The following GARRE1 variants were observed in gnomAD, a reference collection of about 807,000 sequenced individuals.
The protein encoded by GARRE1 is granule associated Rac and RHOG effector protein 1.
A neutral mutation model predicts 103.2 loss-of-function variants in GARRE1; 49 were observed. That is an observed-to-expected ratio of 0.47 (90% CI 0.38 to 0.60). GARRE1 has a LOEUF of 0.60. Ranked by LOEUF, GARRE1 falls within the 20% of genes least tolerant of loss-of-function variation. GARRE1 has a pLI of 0.00. For missense variants in GARRE1, 1,199 were observed against 1,370.5 expected (o/e 0.87, Z 1.98); for synonymous variants, 505 against 532.8 (o/e 0.95, Z 0.72).
intron 1 of GARRE1, among the ~76,000 whole-genome samples, chr19:34,277,698 T>C (rs2073825078): frequency 6.6e-6 from 1 of 152,140 alleles, no homozygotes. Flanking sequence ...CATAAACTTC[T>C]CCATCAAGTT....
chr19:34,290,246 C>T (rs2145230482), intron 1 of GARRE1, among the ~76,000 whole-genome samples: 1 of 152,102 alleles, frequency 6.6e-6, no homozygotes, highest in East Asian at 1.9e-4. Context: ...GCCCCAGCTA[C>T]TCAGGAGGCT....
In GARRE1 at chr19:34,325,129, T is replaced by G. The variant is rs1442780113; in HGVS notation, c.706-2292T>G. Reference sequence around the variant, plus strand: ...GCTTGTGACATCCAAGAACCAACCTTTCTTTCCTCTTGGGTCATCCTTTCT... The same window carrying G: ...GCTTGTGACATCCAAGAACCAACCTGTCTTTCCTCTTGGGTCATCCTTTCT... On this transcript the variant is annotated intron_variant, in intron 3 of 13. Coordinates refer to ENST00000299505, the MANE Select transcript of GARRE1 (RefSeq NM_014686.5). Among the ~76,000 whole-genome samples the G allele has an allele frequency of 2.6e-5, 4 of 152,146 alleles. No individual in the cohort carries two copies. The East Asian group carries it at 7.7e-4, about 29-fold the overall frequency.
At chr19:34,296,233 G>T in intron 1 of GARRE1, 5 of 606,562 alleles carry the variant, frequency 8.2e-6, no homozygotes, top group Non-Finnish European at 1.5e-5. Flanking sequence ...GCCCGAGGGG[G>T]TCGCAGCAGT....
At chr19:34,296,592 T>C (rs2073949026) in intron 1 of GARRE1, 3 of 1,552,504 alleles carry the variant, frequency 1.9e-6, no homozygotes, top group Non-Finnish European at 1.8e-6. Flanking sequence ...GAGGCCCTTC[T>C]TGTGCTTCTT....
At chr19:34,283,722 G>A (rs955748494) in intron 1 of GARRE1, among the ~76,000 whole-genome samples, 11 of 152,016 alleles carry the variant, frequency 7.2e-5, no homozygotes, top group Admixed American at 7.2e-4. Flanking sequence ...AAAGGGAAGT[G>A]CTTCAAGAGA....
intron 1 of GARRE1, among the ~76,000 whole-genome samples, chr19:34,281,451 TG>T (rs2073852983): frequency 1.3e-5 from 2 of 152,166 alleles, no homozygotes; most frequent in Non-Finnish European, 2.9e-5. Context: ...CCACTATGCC[TG>T]GCTAATTTTT....
intron 1 of GARRE1, among the ~76,000 whole-genome samples, chr19:34,286,344 C>T (rs1326263108): frequency 1.3e-5 from 2 of 151,832 alleles, no homozygotes; most frequent in African/African-American, 2.4e-5. Context: ...CTCAGTCTCC[C>T]GAGTAGCTGG....
At chr19:34,348,575 CT>C (rs1486834999) in intron 11 of GARRE1, 2 of 153,266 alleles carry the variant, frequency 1.3e-5, no homozygotes, top group Non-Finnish European at 2.9e-5. Context: ...TTTGTTTTTT[CT>C]TATTTTTAAA....
chr19:34,301,513 CAAAAAAAA>C (rs57777660), intron 2 of GARRE1, among the ~76,000 whole-genome samples: 146 of 85,384 alleles, frequency 1.7e-3, no homozygotes, highest in Middle Eastern at 5.9e-3. Context: ...GACCATGTCT[CAAAAAAAA>C]AAAAAAAAAA....
intron 2 of GARRE1, among the ~76,000 whole-genome samples, chr19:34,313,646 A>G (rs2074046955): frequency 1.3e-5 from 2 of 152,172 alleles, no homozygotes; most frequent in Non-Finnish European, 2.9e-5. Context: ...AGTATTCTTG[A>G]TGGAAGTGAC....
chr19:34,301,982 C>CTTT lies in GARRE1; in HGVS notation c.495+1039_495+1041dup, dbSNP rs35417822. 4.3e-3 allele frequency among the ~76,000 whole-genome samples: 214 copies of CTTT among 50,066 alleles called. 43 individuals carry two copies. Among genetic ancestry groups the CTTT allele is most frequent in the South Asian group, 8.6e-3 (9 of 1,044 alleles). The allele number at this position is 50,066 out of a possible 152,430, so 32.8% of individuals were successfully genotyped here. On this transcript the variant is annotated intron_variant, in intron 2 of 13. Transcript: ENST00000299505. ...ACAGGTGTGAGCCACTGCGCCCAGC[C>CTTT]TTTTTTTTTTTTTTTTTTTTTTTTT...
At chr19:34,283,853 A>G (rs1436937690) in intron 1 of GARRE1, among the ~76,000 whole-genome samples, 5 of 124,948 alleles carry the variant, frequency 4.0e-5, no homozygotes, top group Non-Finnish European at 6.4e-5. Flanking sequence ...TTTTTTTGAG[A>G]CGGAGTCTCA....
rs556326641 is a variant in GARRE1 at position 34,354,708 on chromosome 19, G to A, written c.*1753G>A. ...AAAAAAAGAATATATATATATGTAT[G>A]TATGTATGTATGTAAACACACACAC... On this transcript the variant is annotated 3_prime_UTR_variant, in exon 14 of 14. Transcript: ENST00000299505. The A allele has an allele frequency of 6.6e-6, 1 of 152,398 alleles. No homozygotes were observed. The highest frequency in any genetic ancestry group is 2.1e-4 in the South Asian group (1 of 4,814). The allele number at this position is 152,398 out of a possible 1,614,324, so 9.4% of individuals were successfully genotyped here.
intron 3 of GARRE1, among the ~76,000 whole-genome samples, chr19:34,325,361 A>G (rs374927072): frequency 1.3e-5 from 2 of 152,144 alleles, no homozygotes; most frequent in African/African-American, 4.8e-5. Context: ...CTCAGCTGCT[A>G]CCGGGGGTCT....
intron 1 of GARRE1, among the ~76,000 whole-genome samples, chr19:34,291,672 G>A (rs1252285781): frequency 1.3e-5 from 2 of 152,140 alleles, no homozygotes; most frequent in African/African-American, 4.8e-5. Context: ...GAGGACAAGA[G>A]CCTTCATGAC....
At chr19:34,323,322 C>T (rs1212853213) in intron 3 of GARRE1, among the ~76,000 whole-genome samples, 1 of 152,078 alleles carries the variant, frequency 6.6e-6, no homozygotes, top group Non-Finnish European at 1.5e-5. Flanking sequence ...TGAGCCACGG[C>T]GCCCGGCCTA....
At chr19:34,266,765 C>T in intron 1 of GARRE1, among the ~76,000 whole-genome samples, 1 of 151,914 alleles carries the variant, frequency 6.6e-6, no homozygotes, top group Admixed American at 6.6e-5. Context: ...GCCTTAAATT[C>T]TCAGAAATGA....
intron 2 of GARRE1, among the ~76,000 whole-genome samples, chr19:34,317,503 G>A (rs567844292): frequency 6.6e-6 from 1 of 152,296 alleles, no homozygotes; most frequent in Admixed American, 6.5e-5. Flanking sequence ...TCCCTGAGGA[G>A]CCGGCTCACT....
chr19:34,282,943 G>A (rs1478414957), intron 1 of GARRE1, among the ~76,000 whole-genome samples: 1 of 152,190 alleles, frequency 6.6e-6, no homozygotes, highest in Admixed American at 6.5e-5. Flanking sequence ...CTAGAAGATG[G>A]CCTGCAGTTA....
Sources: allele counts gnomAD v4.1 joint callset (sites outside exome capture counted in the v4.1 genomes callset), GRCh38; gene constraint gnomAD v4.1.1; transcripts MANE v1.5; gene names NCBI Gene and HGNC (gene_info 2026-07-23, HGNC 2026-07-21).